Variants in TERC observed in about 807,000 individuals in gnomAD.
TERC encodes the protein telomerase RNA component.
chr3:169,764,833 C>T lies in TERC; in HGVS notation n.228G>A, dbSNP rs141686314. 1,030 of 729,688 alleles carry T rather than the reference C, an allele frequency of 1.4e-3. 11 individuals carry two copies. In the African/African-American group the frequency reaches 0.016, roughly 11 times the overall value. The allele number at this position is 729,688 out of a possible 1,614,324, so 45.2% of individuals were successfully genotyped here. On this transcript the variant is annotated non_coding_transcript_exon_variant, in exon 1 of 1. Coordinates refer to ENST00000602385, the Ensembl canonical transcript of TERC. The surrounding 1 kb of genome is among the most constrained non-coding windows in gnomAD (Gnocchi z 4.3). ...CTCCAGGCGGGGTTCGGGGGCTGGG[C>T]AGGCGACCCGCCGCAGGTCCCCGGG...
rs1230531511 is a variant in TERC at position 169,764,631 on chromosome 3, G to C, written n.430C>G. The C allele has an allele frequency of 3.5e-5, 25 of 712,290 alleles. No homozygotes were observed. In the East Asian group the frequency reaches 6.2e-4, roughly 18 times the overall value. The allele number at this position is 712,290 out of a possible 1,614,324, so 44.1% of individuals were successfully genotyped here. A position where few individuals can be genotyped will look rare whatever the true frequency, so the allele number is the denominator to read the frequency against. On this transcript the variant is annotated non_coding_transcript_exon_variant, in exon 1 of 1. Coordinates refer to ENST00000602385, the Ensembl canonical transcript of TERC. The surrounding 1 kb of genome is among the most constrained non-coding windows in gnomAD (Gnocchi z 4.3). Reference sequence around the variant, plus strand: ...AACTGCATGTGTGAGCCGAGTCCTGGGTGCACGTCCCACAGCTCAGGGAAT... The same window carrying C: ...AACTGCATGTGTGAGCCGAGTCCTGCGTGCACGTCCCACAGCTCAGGGAAT...
At position 169,764,942 on chromosome 3, in the gene TERC, G is replaced by A. The variant is rs1021170574; in HGVS notation, n.119C>T. On this transcript the variant is annotated non_coding_transcript_exon_variant, in exon 1 of 1. Transcript: ENST00000602385. The surrounding 1 kb of genome is among the most constrained non-coding windows in gnomAD (Gnocchi z 4.3). ...GCGGCAGGCCGAGGCTTTTCCGCCC[G>A]CTGAAAGTCAGCGAGAAAAACAGCG... 1.3e-6 allele frequency: 1 copy of A among 765,414 alleles called. No individual in the cohort carries two copies. The highest frequency in any genetic ancestry group is 2.4e-6 in the Non-Finnish European group (1 of 417,978). The allele number at this position is 765,414 out of a possible 1,614,324, so 47.4% of individuals were successfully genotyped here.
rs1446625124 is a variant in TERC, at chr3:169,765,030, C to A, written n.31G>T. 2.6e-6 allele frequency: 2 copies of A among 765,178 alleles called. No individual in the cohort carries two copies. Among genetic ancestry groups the A allele is most frequent in the Non-Finnish European group, 4.8e-6 (2 of 417,818 alleles). The allele number at this position is 765,178 out of a possible 1,614,324, so 47.4% of individuals were successfully genotyped here. On this transcript the variant is annotated non_coding_transcript_exon_variant, in exon 1 of 1. Transcript: ENST00000602385. Reference sequence around the variant, plus strand: ...GTTAGGGTTAGACAAAAAATGGCCACCACCCCTCCCAGGCCCACCCTCCGC... The same window carrying A: ...GTTAGGGTTAGACAAAAAATGGCCAACACCCCTCCCAGGCCCACCCTCCGC...
Position 169,764,825 on chromosome 3 carries a change from G to A in TERC, n.236C>T. ...ACCGCGGCCTCCAGGCGGGGTTCGG[G>A]GGCTGGGCAGGCGACCCGCCGCAGG... On this transcript the variant is annotated non_coding_transcript_exon_variant, in exon 1 of 1. Transcript: ENST00000602385. This position sits in a 1 kb window ranked among gnomAD's most constrained non-coding sequence, Gnocchi z 4.3. 1.4e-6 allele frequency: 1 copy of A among 728,648 alleles called. No homozygotes were observed. The highest frequency in any genetic ancestry group is 2.5e-6 in the Non-Finnish European group (1 of 399,106). The allele number at this position is 728,648 out of a possible 1,614,324, so 45.1% of individuals were successfully genotyped here.
chr3:169,765,060 C>T, exon 1 of TERC: 1 of 764,404 alleles, frequency 1.3e-6, no homozygotes, highest in East Asian at 2.4e-5. Context: ...CTCCGCAACC[C>T]GGTGCGCTGC....
chr3:169,764,901 G>T lies in TERC; in HGVS notation n.160C>A. On this transcript the variant is annotated non_coding_transcript_exon_variant, in exon 1 of 1. Coordinates refer to ENST00000602385, the Ensembl canonical transcript of TERC. The surrounding 1 kb of genome is among the most constrained non-coding windows in gnomAD (Gnocchi z 4.3). ...CAGCTGACATTTTTTGTTTGCTCTA[G>T]AATGAACGGTGGAAGGCGGCAGGCC... 1 of 764,998 alleles carries T rather than the reference G, an allele frequency of 1.3e-6. No homozygotes were observed. Among genetic ancestry groups the T allele is most frequent in the South Asian group, 1.3e-5 (1 of 74,580 alleles). The allele number at this position is 764,998 out of a possible 1,614,324, so 47.4% of individuals were successfully genotyped here.
At chr3:169,765,026 GC>G in exon 1 of TERC, 1 of 765,252 alleles carries the variant, frequency 1.3e-6, no homozygotes, top group Non-Finnish European at 2.4e-6. Context: ...ACAAAAAATG[GC>G]CACCACCCCT....
At position 169,764,895 on chromosome 3, in the gene TERC, G is replaced by C; in HGVS notation, n.166C>G. 1 of 764,594 alleles carries C rather than the reference G, an allele frequency of 1.3e-6. No homozygotes were observed. Among genetic ancestry groups the C allele is most frequent in the Non-Finnish European group, 2.4e-6 (1 of 417,602 alleles). The allele number at this position is 764,594 out of a possible 1,614,324, so 47.4% of individuals were successfully genotyped here. ...GGCCAGCAGCTGACATTTTTTGTTT[G>C]CTCTAGAATGAACGGTGGAAGGCGG... is the stretch of plus-strand genomic sequence containing the variant. On this transcript the variant is annotated non_coding_transcript_exon_variant, in exon 1 of 1. Transcript: ENST00000602385. The surrounding 1 kb of genome is among the most constrained non-coding windows in gnomAD (Gnocchi z 4.3).
In TERC at chr3:169,764,835, G is replaced by A. The variant is rs1367910897; in HGVS notation, n.226C>T. ...CCAGGCGGGGTTCGGGGGCTGGGCA[G>A]GCGACCCGCCGCAGGTCCCCGGGAG... On this transcript the variant is annotated non_coding_transcript_exon_variant, in exon 1 of 1. Coordinates refer to ENST00000602385, the Ensembl canonical transcript of TERC. This position sits in a 1 kb window ranked among gnomAD's most constrained non-coding sequence, Gnocchi z 4.3. 6.8e-6 allele frequency: 5 copies of A among 730,740 alleles called. No homozygotes were observed. The highest frequency in any genetic ancestry group is 5.6e-5 in the Admixed American group (3 of 53,168). The allele number at this position is 730,740 out of a possible 1,614,324, so 45.3% of individuals were successfully genotyped here.
Position 169,764,784 on chromosome 3 carries a change from G to T in TERC, n.277C>A, listed in dbSNP as rs2108182977. 1.4e-6 allele frequency: 1 copy of T among 739,508 alleles called. No homozygotes were observed. The highest frequency in any genetic ancestry group is 2.5e-6 in the Non-Finnish European group (1 of 404,796). 45.8% of individuals were successfully genotyped at this position (739,508 alleles called of 1,614,324 possible). A position where few individuals can be genotyped will look rare whatever the true frequency, so the allele number is the denominator to read the frequency against. ...TTCGCGGTGGCAGTGGGTGCCTCCG[G>T]AGAAGCCCCGGGCCGACCGCGGCCT... On this transcript the variant is annotated non_coding_transcript_exon_variant, in exon 1 of 1. Coordinates refer to ENST00000602385, the Ensembl canonical transcript of TERC. This position sits in a 1 kb window ranked among gnomAD's most constrained non-coding sequence, Gnocchi z 4.3.
In TERC at chr3:169,764,998, C is replaced by T; in HGVS notation, n.63G>A. 2 of 765,504 alleles carry T rather than the reference C, an allele frequency of 2.6e-6. No homozygotes were observed. The highest frequency in any genetic ancestry group is 4.8e-6 in the Non-Finnish European group (2 of 418,010). 47.4% of individuals were successfully genotyped at this position (765,504 alleles called of 1,614,324 possible). A position where few individuals can be genotyped will look rare whatever the true frequency, so the allele number is the denominator to read the frequency against. On this transcript the variant is annotated non_coding_transcript_exon_variant, in exon 1 of 1. Coordinates refer to ENST00000602385, the Ensembl canonical transcript of TERC. This position sits in a 1 kb window ranked among gnomAD's most constrained non-coding sequence, Gnocchi z 4.3. The stretch of plus-strand genomic sequence containing the variant: ...GGAGCAAAAGCACGGCGCCTACGCC[C>T]TTCTCAGTTAGGGTTAGACAAAAAA...
At position 169,764,796 on chromosome 3, in the gene TERC, G is replaced by A. The variant is rs1167306715; in HGVS notation, n.265C>T. 6.8e-6 allele frequency: 5 copies of A among 731,830 alleles called. No individual in the cohort carries two copies. In the East Asian group the frequency reaches 7.6e-5, roughly 11 times the overall value. 45.3% of individuals were successfully genotyped at this position (731,830 alleles called of 1,614,324 possible). A position where few individuals can be genotyped will look rare whatever the true frequency, so the allele number is the denominator to read the frequency against. ...GTGGGTGCCTCCGGAGAAGCCCCGG[G>A]CCGACCGCGGCCTCCAGGCGGGGTT... On this transcript the variant is annotated non_coding_transcript_exon_variant, in exon 1 of 1. Transcript: ENST00000602385. This position sits in a 1 kb window ranked among gnomAD's most constrained non-coding sequence, Gnocchi z 4.3.
In TERC at chr3:169,764,766, T is replaced by C. The variant is rs1297308302; in HGVS notation, n.295A>G. ...GCTGACAGAGCCCAACTCTTCGCGG[T>C]GGCAGTGGGTGCCTCCGGAGAAGCC... On this transcript the variant is annotated non_coding_transcript_exon_variant, in exon 1 of 1. Transcript: ENST00000602385. The surrounding 1 kb of genome is among the most constrained non-coding windows in gnomAD (Gnocchi z 4.3). The C allele has an allele frequency of 1.3e-6, 1 of 744,644 alleles. No homozygotes were observed. Among genetic ancestry groups the C allele is most frequent in the Non-Finnish European group, 2.5e-6 (1 of 407,610 alleles). The allele number at this position is 744,644 out of a possible 1,614,324, so 46.1% of individuals were successfully genotyped here. A position where few individuals can be genotyped will look rare whatever the true frequency, so the allele number is the denominator to read the frequency against.
chr3:169,764,794 G>A lies in TERC; in HGVS notation n.267C>T, dbSNP rs762111072. ...CAGTGGGTGCCTCCGGAGAAGCCCC[G>A]GGCCGACCGCGGCCTCCAGGCGGGG... On this transcript the variant is annotated non_coding_transcript_exon_variant, in exon 1 of 1. Transcript: ENST00000602385. The surrounding 1 kb of genome is among the most constrained non-coding windows in gnomAD (Gnocchi z 4.3). 18 of 734,620 alleles carry A rather than the reference G, an allele frequency of 2.5e-5. No homozygotes were observed. The highest frequency in any genetic ancestry group is 4.0e-5 in the Non-Finnish European group (16 of 402,096). The allele number at this position is 734,620 out of a possible 1,614,324, so 45.5% of individuals were successfully genotyped here.
Position 169,764,782 on chromosome 3 carries a change from C to A in TERC, n.279G>T. On this transcript the variant is annotated non_coding_transcript_exon_variant, in exon 1 of 1. Coordinates refer to ENST00000602385, the Ensembl canonical transcript of TERC. This position sits in a 1 kb window ranked among gnomAD's most constrained non-coding sequence, Gnocchi z 4.3. ...TCTTCGCGGTGGCAGTGGGTGCCTC[C>A]GGAGAAGCCCCGGGCCGACCGCGGC... is the stretch of plus-strand genomic sequence containing the variant. 1 of 740,054 alleles carries A rather than the reference C, an allele frequency of 1.4e-6. No homozygotes were observed. Among genetic ancestry groups the A allele is most frequent in the African/African-American group, 1.7e-5 (1 of 58,760 alleles). 45.8% of individuals were successfully genotyped at this position (740,054 alleles called of 1,614,324 possible). A position where few individuals can be genotyped will look rare whatever the true frequency, so the allele number is the denominator to read the frequency against.
chr3:169,764,827 G>A lies in TERC; in HGVS notation n.234C>T, dbSNP rs1032106566. 9 of 728,422 alleles carry A rather than the reference G, an allele frequency of 1.2e-5. No homozygotes were observed. The highest frequency in any genetic ancestry group is 1.0e-4 in the African/African-American group (6 of 58,350). 45.1% of individuals were successfully genotyped at this position (728,422 alleles called of 1,614,324 possible). A position where few individuals can be genotyped will look rare whatever the true frequency, so the allele number is the denominator to read the frequency against. On this transcript the variant is annotated non_coding_transcript_exon_variant, in exon 1 of 1. Coordinates refer to ENST00000602385, the Ensembl canonical transcript of TERC. The surrounding 1 kb of genome is among the most constrained non-coding windows in gnomAD (Gnocchi z 4.3). ...CGCGGCCTCCAGGCGGGGTTCGGGG[G>A]CTGGGCAGGCGACCCGCCGCAGGTC...
chr3:169,764,702 A>G lies in TERC; in HGVS notation n.359T>C, dbSNP rs753524068. On this transcript the variant is annotated non_coding_transcript_exon_variant, in exon 1 of 1. Transcript: ENST00000602385. The surrounding 1 kb of genome is among the most constrained non-coding windows in gnomAD (Gnocchi z 4.3). ...GCTCCGTTCCTCTTCCTGCGGCCTG[A>G]AAGGCCTGAACCTCGCCCTCGCCCC... is the stretch of plus-strand genomic sequence containing the variant. 4 of 761,482 alleles carry G rather than the reference A, an allele frequency of 5.3e-6. No homozygotes were observed. Among genetic ancestry groups the G allele is most frequent in the Non-Finnish European group, 9.6e-6 (4 of 416,236 alleles). 47.2% of individuals were successfully genotyped at this position (761,482 alleles called of 1,614,324 possible).
At position 169,764,783 on chromosome 3, in the gene TERC, G is replaced by T. The variant is rs1777960566; in HGVS notation, n.278C>A. 1 of 740,266 alleles carries T rather than the reference G, an allele frequency of 1.4e-6. No homozygotes were observed. The highest frequency in any genetic ancestry group is 2.5e-6 in the Non-Finnish European group (1 of 405,200). 45.9% of individuals were successfully genotyped at this position (740,266 alleles called of 1,614,324 possible). On this transcript the variant is annotated non_coding_transcript_exon_variant, in exon 1 of 1. Transcript: ENST00000602385. The surrounding 1 kb of genome is among the most constrained non-coding windows in gnomAD (Gnocchi z 4.3). ...CTTCGCGGTGGCAGTGGGTGCCTCC[G>T]GAGAAGCCCCGGGCCGACCGCGGCC...
In TERC at chr3:169,764,850, G is replaced by A. The variant is rs1346505603; in HGVS notation, n.211C>T. 2 of 748,730 alleles carry A rather than the reference G, an allele frequency of 2.7e-6. No homozygotes were observed. Among genetic ancestry groups the A allele is most frequent in the Admixed American group, 3.6e-5 (2 of 56,212 alleles). 46.4% of individuals were successfully genotyped at this position (748,730 alleles called of 1,614,324 possible). On this transcript the variant is annotated non_coding_transcript_exon_variant, in exon 1 of 1. Coordinates refer to ENST00000602385, the Ensembl canonical transcript of TERC. This position sits in a 1 kb window ranked among gnomAD's most constrained non-coding sequence, Gnocchi z 4.3. The stretch of plus-strand genomic sequence containing the variant: ...GGGCTGGGCAGGCGACCCGCCGCAG[G>A]TCCCCGGGAGGGGCGAACGGGCCAG...
Sources: allele counts gnomAD v4.1 joint callset, GRCh38; gene constraint gnomAD v4.1.1; non-coding constraint Gnocchi (gnomAD v3.1); transcripts MANE v1.5; gene names NCBI Gene and HGNC (gene_info 2026-07-23, HGNC 2026-07-21).